Variants in DENND5B observed in about 807,000 individuals in gnomAD.
The protein encoded by DENND5B is DENN domain containing 5B.
DENND5B carries 34 observed loss-of-function variants against 140.6 expected under a neutral mutation model. That is an observed-to-expected ratio of 0.24 (90% CI 0.18 to 0.32). The LOEUF (loss-of-function observed/expected upper bound fraction) is 0.32. Among genes scored for constraint, DENND5B ranks in the 10% least tolerant of loss-of-function variants. DENND5B has a pLI of 1.00. For missense variants in DENND5B, 1,142 were observed against 1,560.2 expected (o/e 0.73, Z 4.52); for synonymous variants, 551 against 562.1 (o/e 0.98, Z 0.28).
At chr12:31,455,431 G>A (rs185356556) in intron 4 of DENND5B, among the ~76,000 whole-genome samples, 15 of 152,238 alleles carry the variant, frequency 9.9e-5, no homozygotes, top group Admixed American at 9.8e-4. Flanking sequence ...GGCCCAAGCT[G>A]GGGCTTTGAT....
Position 31,392,485 on chromosome 12 carries a change from T to C in DENND5B, c.3340-92A>G, listed in dbSNP as rs990421544. ...GAAGCAAGTGCTGAAGGTAGCTATA[T>C]GAAGCATGTTTTTACAGCTACCAGA... On this transcript the variant is annotated intron_variant, in intron 18 of 20. Coordinates refer to ENST00000389082, the MANE Select transcript of DENND5B (RefSeq NM_144973.4). 179 of 1,566,872 alleles carry C rather than the reference T, an allele frequency of 1.1e-4. 1 individual carries two copies. The Middle Eastern group carries it at 1.2e-3, about 10-fold the overall frequency.
chr12:31,409,236 C>A (rs781067685), intron 14 of DENND5B, 27 bp downstream of exon 14: 16 of 1,552,052 alleles, frequency 1.0e-5, no homozygotes, highest in Non-Finnish European at 1.2e-5. Flanking sequence ...CCTCAGTAAC[C>A]CTTAACGGTC....
intron 7 of DENND5B, among the ~76,000 whole-genome samples, chr12:31,442,207 A>C (rs925034979): frequency 6.6e-6 from 1 of 152,172 alleles, no homozygotes; most frequent in African/African-American, 2.4e-5. Context: ...AGGCTCTTTC[A>C]TCTGGAAGGA....
At position 31,542,934 on chromosome 12, in the gene DENND5B, G is replaced by A. The variant is rs148545995; in HGVS notation, c.128-47015C>T. On this transcript the variant is annotated intron_variant, in intron 1 of 20. Transcript: ENST00000389082. ...CTGTGCCACCATTACTCCAGCCTGG[G>A]CGACAGAGCCAGACCCTGTCTCAAA... Among the ~76,000 whole-genome samples the A allele has an allele frequency of 1.4e-4, 21 of 152,272 alleles. No individual in the cohort carries two copies. In the East Asian group the frequency reaches 3.5e-3, roughly 25 times the overall value.
chr12:31,422,274 A>C (rs1353776077), intron 11 of DENND5B, among the ~76,000 whole-genome samples: 2 of 151,638 alleles, frequency 1.3e-5, no homozygotes, highest in Non-Finnish European at 2.9e-5. Flanking sequence ...AAAAAAAAAA[A>C]AAAAAAATAG....
intron 1 of DENND5B, among the ~76,000 whole-genome samples, chr12:31,527,045 GA>G (rs1210206516): frequency 6.6e-6 from 1 of 152,146 alleles, no homozygotes; most frequent in Non-Finnish European, 1.5e-5. Flanking sequence ...GTTCAGTAGG[GA>G]AAACAGGCAA....
intron 5 of DENND5B, among the ~76,000 whole-genome samples, chr12:31,449,116 G>C (rs1410292321): frequency 6.6e-6 from 1 of 152,122 alleles, no homozygotes; most frequent in Non-Finnish European, 1.5e-5. Flanking sequence ...TTTGGTTGCT[G>C]GGTTGGTTTT....
chr12:31,563,258 C>T (rs901279470), intron 1 of DENND5B, among the ~76,000 whole-genome samples: 6 of 152,158 alleles, frequency 3.9e-5, no homozygotes, highest in Non-Finnish European at 7.3e-5. Flanking sequence ...ACACAAACAG[C>T]CCACCTTTTT....
chr12:31,547,467 T>C (rs953483962), intron 1 of DENND5B, among the ~76,000 whole-genome samples: 3 of 152,114 alleles, frequency 2.0e-5, no homozygotes, highest in Admixed American at 6.5e-5. Context: ...GGCACAATCT[T>C]GGCTCACTGC....
rs139538027 is a variant in DENND5B at position 31,397,991 on chromosome 12, A to T, written c.3256+184T>A. Among the ~76,000 whole-genome samples the T allele has an allele frequency of 1.3e-3, 197 of 152,258 alleles. 1 individual carries two copies. The highest frequency in any genetic ancestry group is 4.6e-3 in the African/African-American group (193 of 41,546). ...CAGCTTAATAAAAACAGAGCATGCAAGTTTTTTAAAAAATTAGATTTTAAC... is the reference window on the plus strand; with the variant it reads ...CAGCTTAATAAAAACAGAGCATGCATGTTTTTTAAAAAATTAGATTTTAAC... On this transcript the variant is annotated intron_variant, in intron 17 of 20. Transcript: ENST00000389082.
chr12:31,568,336 A>C (rs548747958), intron 1 of DENND5B, among the ~76,000 whole-genome samples: 39 of 152,158 alleles, frequency 2.6e-4, no homozygotes, highest in Non-Finnish European at 5.3e-4. Flanking sequence ...CAAAATCCTA[A>C]ATACTTTTGG....
chr12:31,557,702 C>A (rs1005163908), intron 1 of DENND5B, among the ~76,000 whole-genome samples: 23 of 151,418 alleles, frequency 1.5e-4, no homozygotes, highest in African/African-American at 5.3e-4. Flanking sequence ...TGACTACTAC[C>A]CTTTAGGTAT....
intron 1 of DENND5B, among the ~76,000 whole-genome samples, chr12:31,496,602 G>A (rs1946768776): frequency 6.6e-6 from 1 of 152,158 alleles, no homozygotes; most frequent in Non-Finnish European, 1.5e-5. Context: ...AGTAGCTCAT[G>A]CCTGTAATCC....
intron 11 of DENND5B, among the ~76,000 whole-genome samples, chr12:31,418,011 T>A (rs1942838191): frequency 6.6e-6 from 1 of 152,202 alleles, no homozygotes; most frequent in Non-Finnish European, 1.5e-5. Context: ...CCTATGCTTT[T>A]GACACTAGCA....
intron 1 of DENND5B, among the ~76,000 whole-genome samples, chr12:31,560,169 G>C (rs1325536930): frequency 6.6e-6 from 1 of 152,024 alleles, no homozygotes; most frequent in African/African-American, 2.4e-5. Flanking sequence ...CTGCCTACTT[G>C]ACCAGAATAT....
At chr12:31,497,609 T>C (rs1036272163) in intron 1 of DENND5B, among the ~76,000 whole-genome samples, 2 of 150,344 alleles carry the variant, frequency 1.3e-5, no homozygotes, top group African/African-American at 4.9e-5. Context: ...CACTAAGAAA[T>C]TGTAAATTAT....
chr12:31,589,765 C>G (rs1950536682), intron 1 of DENND5B, among the ~76,000 whole-genome samples: 1 of 152,076 alleles, frequency 6.6e-6, no homozygotes, highest in Admixed American at 6.6e-5. Flanking sequence ...AATCAAGATT[C>G]AGATCCCGCG....
chr12:31,529,760 T>TA (rs1197863313), intron 1 of DENND5B, among the ~76,000 whole-genome samples: 9 of 151,912 alleles, frequency 5.9e-5, no homozygotes, highest in Non-Finnish European at 1.0e-4. Context: ...AAACATCCTT[T>TA]AAAAAATGCC....
rs559993079 is a variant in DENND5B at position 31,473,213 on chromosome 12, C to T, written c.904+6376G>A. Reference sequence around the variant, plus strand: ...TCAACCTCCCAAAGTGTTGGGATTACAGGCAGGAGCCATTGCCTCAACACA... The same window carrying T: ...TCAACCTCCCAAAGTGTTGGGATTATAGGCAGGAGCCATTGCCTCAACACA... On this transcript the variant is annotated intron_variant, in intron 3 of 20. Coordinates refer to ENST00000389082, the MANE Select transcript of DENND5B (RefSeq NM_144973.4). Among the ~76,000 whole-genome samples, 48 of 152,354 alleles carry T rather than the reference C, an allele frequency of 3.2e-4. 1 individual carries two copies. The highest frequency in any genetic ancestry group is 3.4e-3 in the Middle Eastern group (1 of 294).
Sources: allele counts gnomAD v4.1 joint callset (sites outside exome capture counted in the v4.1 genomes callset), GRCh38; gene constraint gnomAD v4.1.1; transcripts MANE v1.5; gene names NCBI Gene and HGNC (gene_info 2026-07-23, HGNC 2026-07-21).